The following RAD51B variants were observed in gnomAD, a reference collection of about 807,000 sequenced individuals.
RAD51B encodes RAD51 paralog B, also known as DNA repair protein RAD51 homolog 2.
A neutral mutation model predicts 42.2 loss-of-function variants in RAD51B; 38 were observed. That is an observed-to-expected ratio of 0.90 (90% CI 0.70 to 1.18). The LOEUF (loss-of-function observed/expected upper bound fraction) is 1.18. Among genes scored for constraint, RAD51B ranks in the 50% most tolerant of loss-of-function variants. The pLI, the probability that RAD51B is intolerant of heterozygous loss-of-function variation, is 0.00. For missense variants in RAD51B, 373 were observed against 400.7 expected (o/e 0.93, Z 0.59); for synonymous variants, 154 against 145.2 (o/e 1.06, Z -0.43).
intron 10 of RAD51B, among the ~76,000 whole-genome samples, chr14:68,644,704 TC>T (rs1892530523): frequency 6.6e-6 from 1 of 152,106 alleles, no homozygotes; most frequent in Non-Finnish European, 1.5e-5. Flanking sequence ...ATGTATGTCA[TC>T]AAATGTCAAT....
At chr14:67,855,365 G>T (rs2041955529) in intron 4 of RAD51B, among the ~76,000 whole-genome samples, 2 of 151,614 alleles carry the variant, frequency 1.3e-5, no homozygotes, top group Admixed American at 1.3e-4. Context: ...CCAGCAGCTG[G>T]GATTACAGGT....
chr14:67,995,486 G>T (rs528888766), intron 7 of RAD51B, among the ~76,000 whole-genome samples: 1 of 152,110 alleles, frequency 6.6e-6, no homozygotes, highest in Admixed American at 6.6e-5. Context: ...GGGAACTTAG[G>T]ATCTTTTTCT....
chr14:68,260,043 AG>A (rs1317299565), intron 7 of RAD51B, among the ~76,000 whole-genome samples: 1 of 152,066 alleles, frequency 6.6e-6, no homozygotes, highest in Non-Finnish European at 1.5e-5. Flanking sequence ...ATATTTGACC[AG>A]GGAAATAAAA....
At chr14:68,476,481 A>C (rs914036427) in intron 10 of RAD51B, among the ~76,000 whole-genome samples, 7 of 152,234 alleles carry the variant, frequency 4.6e-5, no homozygotes, top group Non-Finnish European at 8.8e-5. Context: ...AATTTCACCG[A>C]TGAAGTGTAA....
chr14:68,291,810 C>A, intron 7 of RAD51B, 74 bp from the exon 8 acceptor site: 1 of 1,157,572 alleles, frequency 8.6e-7, no homozygotes. Flanking sequence ...CTTTTGATAG[C>A]TCTAATAATT....
intron 7 of RAD51B, among the ~76,000 whole-genome samples, chr14:67,906,332 A>G (rs557451804): frequency 1.3e-5 from 2 of 152,198 alleles, no homozygotes; most frequent in East Asian, 3.9e-4. Context: ...TATGTTTATC[A>G]GGGATATTGG....
chr14:67,885,931 T>G lies in RAD51B; in HGVS notation c.515T>G (p.Leu172Trp), dbSNP rs34094401. ...TTTAACACTGAAGAAAAGTTACTTT[T>G]GACAAGTAGTAAAGTTCATCTTTAT... Reference protein sequence around the residue: ...RYFNTEEKLLLTSSKVHLYRE... With the variant: ...RYFNTEEKLLWTSSKVHLYRE... Residue 172 changes from leucine to tryptophan, a missense_variant, in exon 6 of 11, where the codon TTG (leucine) becomes TGG (tryptophan). Coordinates refer to ENST00000471583, the MANE Select transcript of RAD51B (RefSeq NM_133510.4). The G allele has an allele frequency of 0.014, 21,976 of 1,606,688 alleles. 250 individuals are homozygous for G. The highest frequency in any genetic ancestry group is 0.054 in the African/African-American group (4,065 of 74,826).
intron 8 of RAD51B, among the ~76,000 whole-genome samples, chr14:68,393,547 A>G (rs772685518): frequency 6.6e-6 from 1 of 152,232 alleles, no homozygotes; most frequent in Non-Finnish European, 1.5e-5. Flanking sequence ...TGATTAGTAG[A>G]GCTTCTAAAT....
At chr14:68,040,869 T>C (rs1389196054) in intron 7 of RAD51B, among the ~76,000 whole-genome samples, 1 of 152,222 alleles carries the variant, frequency 6.6e-6, no homozygotes, top group African/African-American at 2.4e-5. Context: ...CAGGTGATTC[T>C]CATGCACATT....
rs114451178 is a variant in RAD51B, at chr14:68,673,163, G to T, written c.*11+22307G>T. Among the ~76,000 whole-genome samples the T allele has an allele frequency of 2.2e-3, 334 of 152,248 alleles. 2 individuals carry two copies. The highest frequency in any genetic ancestry group is 7.6e-3 in the African/African-American group (316 of 41,520). On this transcript the variant is annotated intron_variant, in intron 11 of 11. Transcript: ENST00000488612. ...GGAAAAAAGTTGTACCTGTTTTCAC[G>T]CTGAGAAAAGCAGATAGCTAATCTG... is the stretch of plus-strand genomic sequence containing the variant.
intron 10 of RAD51B, among the ~76,000 whole-genome samples, chr14:68,647,655 A>G (rs532665477): frequency 1.3e-5 from 2 of 152,280 alleles, no homozygotes; most frequent in South Asian, 2.1e-4. Context: ...GTGAACAGCA[A>G]TTCTAAACTT....
chr14:68,142,612 C>T (rs1256838413), intron 7 of RAD51B, among the ~76,000 whole-genome samples: 1 of 152,090 alleles, frequency 6.6e-6, no homozygotes, highest in Non-Finnish European at 1.5e-5. Context: ...ATCAACATGA[C>T]AGGATAAACA....
intron 7 of RAD51B, among the ~76,000 whole-genome samples, chr14:68,227,920 AATT>A (rs2080073062): frequency 1.3e-5 from 2 of 152,172 alleles, no homozygotes; most frequent in South Asian, 2.1e-4. Context: ...TTATGCCATT[AATT>A]ATTATTAGTA....
intron 7 of RAD51B, among the ~76,000 whole-genome samples, chr14:67,998,869 C>G (rs1209280594): frequency 6.6e-6 from 1 of 152,160 alleles, no homozygotes; most frequent in Non-Finnish European, 1.5e-5. Flanking sequence ...GGAATTTACT[C>G]TATGTATGTG....
intron 8 of RAD51B, among the ~76,000 whole-genome samples, chr14:68,401,114 G>A (rs1174746116): frequency 6.6e-6 from 1 of 152,208 alleles, no homozygotes; most frequent in African/African-American, 2.4e-5. Context: ...AGACACAGCA[G>A]AGAATCCTAG....
At chr14:68,240,136 C>A (rs1359420853) in intron 7 of RAD51B, among the ~76,000 whole-genome samples, 3 of 152,226 alleles carry the variant, frequency 2.0e-5, no homozygotes, top group African/African-American at 7.2e-5. Context: ...GGTGTTGTAT[C>A]TACCATTATA....
chr14:67,882,322 G>A (rs908162627), intron 5 of RAD51B, among the ~76,000 whole-genome samples: 3 of 152,024 alleles, frequency 2.0e-5, no homozygotes, highest in African/African-American at 7.2e-5. Flanking sequence ...TACCTTCTTG[G>A]TCACCTCCTC....
At chr14:68,393,333 A>T (rs2083814535) in intron 8 of RAD51B, among the ~76,000 whole-genome samples, 1 of 152,206 alleles carries the variant, frequency 6.6e-6, no homozygotes, top group Admixed American at 6.5e-5. Flanking sequence ...TCAAACTAGG[A>T]AAGGTAATTA....
chr14:68,048,531 A>G (rs1460673275), intron 7 of RAD51B, among the ~76,000 whole-genome samples: 4 of 152,244 alleles, frequency 2.6e-5, no homozygotes, highest in South Asian at 2.1e-4. Context: ...CTATGTCCTG[A>G]ATGGTATTGC....
Sources: gnomAD v4.1 joint callset for allele counts (sites outside exome capture counted in the v4.1 genomes callset) on GRCh38, gnomAD v4.1.1 for gene constraint, MANE v1.5 for transcripts, NCBI Gene and HGNC (gene_info 2026-07-23, HGNC 2026-07-21) for gene names.